Variants in GPR143 observed in about 807,000 individuals in gnomAD.
The protein encoded by GPR143 is G protein-coupled receptor 143.
In GPR143, 8 loss-of-function variants were observed where a neutral mutation model predicts 27.6. The ratio of observed to expected loss-of-function variants is 0.29; its 90% CI spans 0.17 to 0.52. GPR143 has a LOEUF of 0.52. Ranked by LOEUF, GPR143 falls within the 20% of genes least tolerant of loss-of-function variation. The probability of loss-of-function intolerance (pLI) is 0.96; values close to 1 mark genes in which losing one functional copy is unlikely to be tolerated. For synonymous variants in GPR143, 156 were observed against 153.2 expected, an observed-to-expected ratio of 1.02 and a Z score of -0.13; for missense variants, 303 against 343.1, an observed-to-expected ratio of 0.88 and a Z score of 0.92.
chrX:9,747,113 C>T (rs1225056931), intron 4 of GPR143, among the ~76,000 whole-genome samples: 2 of 107,746 alleles, frequency 1.9e-5, no homozygotes, highest in Non-Finnish European at 3.8e-5. Context: ...AACGCTGCCA[C>T]TTTCTTTTAA....
chrX:9,773,480 TACACACACAC>T (rs57491053), intron 1 of GPR143, among the ~76,000 whole-genome samples: 19 of 102,651 alleles, frequency 1.9e-4, no homozygotes, highest in Admixed American at 2.2e-4. Context: ...GCTTTGAAAG[TACACACACAC>T]ACACACACAC....
chrX:9,773,783 T>TA (rs1569128133), intron 1 of GPR143, among the ~76,000 whole-genome samples: 1 of 109,696 alleles, frequency 9.1e-6, no homozygotes, highest in African/African-American at 3.3e-5. Context: ...AGGATCTCTG[T>TA]AGCCAGGGAA....
At chrX:9,766,874 G>A (rs758575412), upstream of GPR143, among the ~76,000 whole-genome samples, 1 of 102,817 alleles carries the variant, frequency 9.7e-6, no homozygotes, top group Admixed American at 1.1e-4. Flanking sequence ...TCCAGCCTGA[G>A]CAATGGAGTG....
intron 3 of GPR143, among the ~76,000 whole-genome samples, chrX:9,756,092 G>A (rs974277251): frequency 2.7e-5 from 3 of 111,827 alleles, no homozygotes; most frequent in Non-Finnish European, 5.6e-5. Context: ...TTTAGAGCGG[G>A]GATCTACTGG....
chrX:9,766,892 ATC>A (rs778384446), upstream of GPR143, among the ~76,000 whole-genome samples: 1,013 of 77,220 alleles, frequency 0.013, 20 homozygotes, highest in African/African-American at 0.045. Context: ...GTGAGACCCT[ATC>A]TCTCTCTCTC....
chrX:9,725,736 C>T lies in GPR143; in HGVS notation c.*10G>A, dbSNP rs758851581. ...AGGAATATGGGGTCTGGACCCCCAG[C>T]ACATCCCCTTCATAGGTCTCCATGG... On this transcript the variant is annotated 3_prime_UTR_variant, in exon 9 of 9. Transcript: ENST00000467482. 1 of 1,166,302 alleles carries T rather than the reference C, an allele frequency of 8.6e-7. No individual in the cohort carries two copies. Among genetic ancestry groups the T allele is most frequent in the East Asian group, 3.0e-5 (1 of 33,646 alleles).
intron 4 of GPR143, among the ~76,000 whole-genome samples, chrX:9,746,878 C>T (rs187997116): frequency 6.7e-4 from 72 of 108,203 alleles, no homozygotes; most frequent in African/African-American, 2.4e-3. Flanking sequence ...TCCAGCTCAA[C>T]CAAAGAGGGA....
upstream of GPR143, chrX:9,766,193 GTCT>G (rs2083532608): frequency 1.6e-5 from 2 of 126,282 alleles, no homozygotes; most frequent in Non-Finnish European, 3.2e-5. Flanking sequence ...ATCTTTACTG[GTCT>G]TCTAGAGAAA....
chrX:9,764,003 T>C (rs1294465202), intron 1 of GPR143, among the ~76,000 whole-genome samples: 1 of 112,815 alleles, frequency 8.9e-6, no homozygotes, highest in Non-Finnish European at 1.9e-5. Flanking sequence ...TAATTTTGAT[T>C]TTTAAAAACA....
intron 1 of GPR143, among the ~76,000 whole-genome samples, chrX:9,773,822 C>A (rs1240814798): frequency 9.0e-6 from 1 of 110,530 alleles, no homozygotes; most frequent in African/African-American, 3.3e-5. Flanking sequence ...CGAGGTCGCA[C>A]CACTTCACTC....
In GPR143 at chrX:9,756,203, T is replaced by A. The variant is rs770785588; in HGVS notation, c.455+3129A>T. 8.9e-5 allele frequency among the ~76,000 whole-genome samples: 10 copies of A among 112,067 alleles called. No individual in the cohort carries two copies. In the South Asian group the frequency reaches 3.7e-3, roughly 41 times the overall value. On this transcript the variant is annotated intron_variant, in intron 3 of 8. Transcript: ENST00000467482. ...TAAATGGTGCTGGGACAACTGGATA[T>A]CCACATGCAAAATAATGAAGATGGA...
At chrX:9,742,262 G>C (rs936774286) in intron 6 of GPR143, among the ~76,000 whole-genome samples, 1 of 111,618 alleles carries the variant, frequency 9.0e-6, no homozygotes, top group African/African-American at 3.3e-5. Context: ...CATATCAGGT[G>C]AATTATTATT....
chrX:9,741,593 A>C (rs1455930011), intron 6 of GPR143, 138 bp from the exon 7 acceptor site: 10 of 450,056 alleles, frequency 2.2e-5, no homozygotes, highest in Admixed American at 6.1e-5. Flanking sequence ...TTCTGCAGTA[A>C]GAAACTAAGA....
rs752873974 is a variant in GPR143 at position 9,739,355 on chromosome X, T to C, written c.1120+130A>G. 3.7e-4 allele frequency: 189 copies of C among 507,460 alleles called. 1 individual carries two copies. In the East Asian group the frequency reaches 6.7e-3, roughly 18 times the overall value. 41.8% of individuals were successfully genotyped at this position (507,460 alleles called of 1,213,427 possible). A position where few individuals can be genotyped will look rare whatever the true frequency, so the allele number is the denominator to read the frequency against. On this transcript the variant is annotated intron_variant, in intron 8 of 8. Coordinates refer to ENST00000467482, the MANE Select transcript of GPR143 (RefSeq NM_000273.3). The stretch of plus-strand genomic sequence containing the variant: ...GGAGGTGCAACTGGAAGCTAGTGAG[T>C]TCACATGAGAGGTGCTGCTGAACAC...
At chrX:9,745,337 C>T (rs893538507) in intron 5 of GPR143, among the ~76,000 whole-genome samples, 2 of 112,672 alleles carry the variant, frequency 1.8e-5, no homozygotes, top group Non-Finnish European at 3.8e-5. Flanking sequence ...AGAGTACTCT[C>T]AACAATGTTT....
At chrX:9,758,508 C>G (rs2083482171) in intron 3 of GPR143, among the ~76,000 whole-genome samples, 1 of 111,977 alleles carries the variant, frequency 8.9e-6, no homozygotes, top group African/African-American at 3.2e-5. Context: ...AACTCCCTGC[C>G]AAGCAGCCAC....
chrX:9,728,399 C>CAA (rs59182343), intron 8 of GPR143, among the ~76,000 whole-genome samples: 3,930 of 77,078 alleles, frequency 0.051, 80 homozygotes, highest in African/African-American at 0.057. Context: ...TGTTAAGGAA[C>CAA]AAAAAAAAAA....
chrX:9,737,442 G>T (rs763663897), intron 8 of GPR143, among the ~76,000 whole-genome samples: 1 of 112,343 alleles, frequency 8.9e-6, no homozygotes, highest in South Asian at 3.7e-4. Context: ...AACACTATCC[G>T]AAGTACAAGA....
intron 1 of GPR143, among the ~76,000 whole-genome samples, chrX:9,772,996 A>ATT (rs2083559558): frequency 9.2e-6 from 1 of 108,291 alleles, no homozygotes; most frequent in Non-Finnish European, 1.9e-5. Flanking sequence ...GGTTGATGCT[A>ATT]TTAAATGTTT....
Sources: allele counts gnomAD v4.1 joint callset (sites outside exome capture counted in the v4.1 genomes callset), GRCh38; gene constraint gnomAD v4.1.1; transcripts MANE v1.5; gene names NCBI Gene and HGNC (gene_info 2026-07-23, HGNC 2026-07-21).